The following THADA variants were observed in gnomAD, a reference collection of about 807,000 sequenced individuals.
THADA encodes tRNA (32-2'-O)-methyltransferase regulator THADA.
In THADA, 213 loss-of-function variants were observed where a neutral mutation model predicts 219.8. The observed-to-expected ratio is 0.97, with a 90% CI of 0.87 to 1.09. The LOEUF (loss-of-function observed/expected upper bound fraction) is 1.09. THADA is among the 50% of genes least tolerant of loss of function. THADA has a pLI of 0.00. For synonymous variants in THADA, 1,018 were observed against 828.9 expected, an observed-to-expected ratio of 1.23 and a Z score of -3.92; for missense variants, 2,956 against 2,311.3, an observed-to-expected ratio of 1.28 and a Z score of -5.72.
At chr2:43,365,928 C>A (rs1670093050) in intron 29 of THADA, among the ~76,000 whole-genome samples, 1 of 152,058 alleles carries the variant, frequency 6.6e-6, no homozygotes, top group East Asian at 1.9e-4. Flanking sequence ...TCTCAACTTC[C>A]TAGAAGTTTA....
intron 20 of THADA, among the ~76,000 whole-genome samples, chr2:43,546,520 T>C (rs1696058757): frequency 6.6e-6 from 1 of 152,190 alleles, no homozygotes. Flanking sequence ...TCTTTGTAGG[T>C]CACTCAGGAC....
rs545353380 is a variant in THADA at position 43,380,075 on chromosome 2, T to A, written c.4227+17896A>T. On this transcript the variant is annotated intron_variant, in intron 29 of 37. Coordinates refer to ENST00000405975, the MANE Select transcript of THADA (RefSeq NM_022065.5). ...CAGGAAAGTTTTTAGGGTGTGGAAC[T>A]AATCTATATGATATTATAGTGGTGG... Among the ~76,000 whole-genome samples, 45 of 152,342 alleles carry A rather than the reference T, an allele frequency of 3.0e-4. 1 individual carries two copies. The highest frequency in any genetic ancestry group is 1.1e-3 in the Admixed American group (17 of 15,308).
Position 43,279,822 on chromosome 2 carries a change from C to T in THADA, c.5239G>A (p.Ala1747Thr). 1 of 1,559,934 alleles carries T rather than the reference C, an allele frequency of 6.4e-7. No homozygotes were observed. The highest frequency in any genetic ancestry group is 1.2e-5 in the South Asian group (1 of 83,838). The change falls in exon 36 of 38, where the codon GCA becomes ACA. Residue 1747 changes from alanine (A) to threonine (T), a missense_variant. By Grantham distance (58) the Ala-to-Thr change is moderately conservative. Transcript: ENST00000405975. Reference protein sequence around the residue: ...LQSEEQAVRDAATETVTTAMS... With the variant: ...LQSEEQAVRDTATETVTTAMS... ...GCAGTTGTCACGGTTTCCGTGGCTG[C>T]ATCTCTAACAGCTTGCTCCTCACTC... is the stretch of plus-strand genomic sequence containing the variant.
chr2:43,316,201 T>C (rs1678060117), intron 31 of THADA, among the ~76,000 whole-genome samples: 1 of 152,206 alleles, frequency 6.6e-6, no homozygotes, highest in Admixed American at 6.5e-5. Flanking sequence ...CAAGGAAGTC[T>C]TTCCTGTCCT....
At chr2:43,566,900 G>T in intron 14 of THADA, 79 bp from the exon 15 acceptor site, 1 of 985,662 alleles carries the variant, frequency 1.0e-6, no homozygotes, top group Non-Finnish European at 1.4e-6. Flanking sequence ...CACCCTTTAA[G>T]AGTGGGTGTT....
At chr2:43,438,567 T>C (rs1228178269) in intron 26 of THADA, among the ~76,000 whole-genome samples, 1 of 152,204 alleles carries the variant, frequency 6.6e-6, no homozygotes, top group Admixed American at 6.5e-5. Flanking sequence ...TACAAGCATA[T>C]GCACAGCAGC....
At chr2:43,532,300 C>T (rs1693984145) in intron 21 of THADA, among the ~76,000 whole-genome samples, 1 of 150,482 alleles carries the variant, frequency 6.6e-6, no homozygotes, top group Non-Finnish European at 1.5e-5. Flanking sequence ...GTAGTCCCAG[C>T]TACTTGGGAG....
intron 28 of THADA, among the ~76,000 whole-genome samples, chr2:43,405,890 C>T (rs1413714011): frequency 6.6e-6 from 1 of 152,152 alleles, no homozygotes; most frequent in Non-Finnish European, 1.5e-5. Flanking sequence ...TGAAGAAAGG[C>T]CAACAATAAG....
intron 36 of THADA, among the ~76,000 whole-genome samples, chr2:43,259,413 C>G (rs958415045): frequency 6.6e-6 from 1 of 152,250 alleles, no homozygotes; most frequent in African/African-American, 2.4e-5. Context: ...CCGCTCCCTG[C>G]CAGTCCATCC....
chr2:43,431,601 G>A (rs1419067220), intron 26 of THADA, among the ~76,000 whole-genome samples: 1 of 144,410 alleles, frequency 6.9e-6, no homozygotes, highest in South Asian at 2.2e-4. Flanking sequence ...AAGTAGCTGG[G>A]ACTACAGGCG....
At chr2:43,493,706 C>G (rs1030365778) in intron 25 of THADA, among the ~76,000 whole-genome samples, 1 of 152,252 alleles carries the variant, frequency 6.6e-6, no homozygotes, top group South Asian at 2.1e-4. Flanking sequence ...AGTAAATTCT[C>G]GGGTTCCACA....
intron 36 of THADA, among the ~76,000 whole-genome samples, chr2:43,255,343 T>A (rs937943913): frequency 1.3e-5 from 2 of 152,214 alleles, no homozygotes; most frequent in African/African-American, 4.8e-5. Flanking sequence ...GCATGCTAAG[T>A]GGTTTTGCTT....
intron 29 of THADA, among the ~76,000 whole-genome samples, chr2:43,387,078 G>GA (rs1266079722): frequency 6.6e-6 from 1 of 152,098 alleles, no homozygotes; most frequent in Non-Finnish European, 1.5e-5. Flanking sequence ...TCTGTTTTTA[G>GA]AGAAGATTCA....
At chr2:43,509,432 A>G (rs964499525) in intron 22 of THADA, among the ~76,000 whole-genome samples, 1 of 152,242 alleles carries the variant, frequency 6.6e-6, no homozygotes, top group Non-Finnish European at 1.5e-5. Context: ...ACTAGACTGT[A>G]TAACATTGCC....
intron 30 of THADA, among the ~76,000 whole-genome samples, chr2:43,325,977 C>T (rs771506015): frequency 2.6e-5 from 4 of 152,114 alleles, no homozygotes; most frequent in Non-Finnish European, 5.9e-5. Context: ...TGAAAGCACA[C>T]ATTCCTGAAA....
chr2:43,431,140 T>A (rs1679214704), intron 26 of THADA, among the ~76,000 whole-genome samples: 1 of 152,182 alleles, frequency 6.6e-6, no homozygotes, highest in Non-Finnish European at 1.5e-5. Context: ...AGGGGTGACA[T>A]AAATATTCCC....
Position 43,428,210 on chromosome 2 carries a change from A to T in THADA, c.3948T>A (p.Arg1316=). The change falls in exon 28 of 38, where the codon CGT becomes CGA. Residue 1316 remains arginine, a synonymous_variant. Transcript: ENST00000405975. ...AAAGTAAGAGAAACATGCTTGGATG[A>T]CGATTTGGTTCTCCCATATCACTGA... ...TVDSDMGEPN[R]HPSMFLLLLV... is the part of the protein sequence containing the mutation. 1 of 1,602,306 alleles carries T rather than the reference A, an allele frequency of 6.2e-7. No individual in the cohort carries two copies. The highest frequency in any genetic ancestry group is 1.1e-5 in the South Asian group (1 of 89,746).
intron 29 of THADA, among the ~76,000 whole-genome samples, chr2:43,366,326 A>G (rs1670151149): frequency 6.6e-6 from 1 of 152,240 alleles, no homozygotes; most frequent in African/African-American, 2.4e-5. Context: ...TCAGTCAATT[A>G]AAGACCTAAG....
At chr2:43,522,057 G>C (rs1692558762) in intron 22 of THADA, among the ~76,000 whole-genome samples, 1 of 151,956 alleles carries the variant, frequency 6.6e-6, no homozygotes, top group African/African-American at 2.4e-5. Flanking sequence ...TATTTCATAA[G>C]CTAAATTCCC....
Sources: gnomAD v4.1 joint callset for allele counts (sites outside exome capture counted in the v4.1 genomes callset) on GRCh38, gnomAD v4.1.1 for gene constraint, MANE v1.5 for transcripts, NCBI Gene and HGNC (gene_info 2026-07-23, HGNC 2026-07-21) for gene names.